The following PRKG1 variants were observed in gnomAD, a reference collection of about 807,000 sequenced individuals.
PRKG1 encodes the protein cGMP-dependent protein kinase 1.
Under a neutral mutation model 88.1 loss-of-function variants are expected in PRKG1, and 35 were observed. The ratio of observed to expected loss-of-function variants is 0.40; its 90% CI spans 0.30 to 0.53. The LOEUF (loss-of-function observed/expected upper bound fraction) is 0.53, where lower values mean the gene tolerates loss of function less well. Ranked by LOEUF, PRKG1 falls within the 20% of genes least tolerant of loss-of-function variation. The pLI is 0.59. For missense variants in PRKG1, 540 were observed against 839.8 expected (o/e 0.64, Z 4.41); for synonymous variants, 303 against 292.5 (o/e 1.04, Z -0.37).
At chr10:52,178,567 A>G (rs1422466196) in intron 9 of PRKG1, among the ~76,000 whole-genome samples, 1 of 150,878 alleles carries the variant, frequency 6.6e-6, no homozygotes, top group Non-Finnish European at 1.5e-5. Context: ...TTTTTTGTCT[A>G]GTTGATCTGT....
At chr10:51,130,874 A>C (rs1299007061) in intron 1 of PRKG1, among the ~76,000 whole-genome samples, 1 of 152,148 alleles carries the variant, frequency 6.6e-6, no homozygotes, top group Non-Finnish European at 1.5e-5. Context: ...GCGCCACTGC[A>C]CTCCAGCCTA....
intron 1 of PRKG1, among the ~76,000 whole-genome samples, chr10:51,136,566 G>C (rs1285693628): frequency 1.5e-5 from 2 of 137,044 alleles, no homozygotes; most frequent in African/African-American, 2.7e-5. Context: ...GAAGAACATA[G>C]AGTTTTTAGT....
At chr10:51,900,788 G>A (rs1215862330) in intron 4 of PRKG1, among the ~76,000 whole-genome samples, 1 of 151,808 alleles carries the variant, frequency 6.6e-6, no homozygotes, top group Non-Finnish European at 1.5e-5. Context: ...TCATTTTCTA[G>A]TAAAAAATGG....
At chr10:51,518,818 T>G (rs541708856) in intron 3 of PRKG1, among the ~76,000 whole-genome samples, 123 of 152,348 alleles carry the variant, frequency 8.1e-4, no homozygotes, top group African/African-American at 2.8e-3. Context: ...TTCCTCATAA[T>G]TTTAAAGGCT....
At chr10:51,149,176 T>C (rs1846005413) in intron 1 of PRKG1, among the ~76,000 whole-genome samples, 1 of 152,158 alleles carries the variant, frequency 6.6e-6, no homozygotes, top group Non-Finnish European at 1.5e-5. Flanking sequence ...TTGGATCTCA[T>C]TGTCATATAA....
chr10:52,188,896 C>T (rs1164861661), intron 9 of PRKG1, among the ~76,000 whole-genome samples: 1 of 152,066 alleles, frequency 6.6e-6, no homozygotes, highest in African/African-American at 2.4e-5. Flanking sequence ...ATTATGAAAA[C>T]ACTTAAAGAA....
At chr10:51,628,005 TCTC>T (rs1839403049) in intron 3 of PRKG1, among the ~76,000 whole-genome samples, 1 of 47,208 alleles carries the variant, frequency 2.1e-5, no homozygotes, top group African/African-American at 6.1e-5. Flanking sequence ...TCTCTCTCTC[TCTC>T]TCTTTCTTTC....
At chr10:51,481,607 A>G (rs1840363331) in intron 3 of PRKG1, among the ~76,000 whole-genome samples, 1 of 152,140 alleles carries the variant, frequency 6.6e-6, no homozygotes. Flanking sequence ...AAAATTCATT[A>G]ATTTTGGATT....
chr10:51,603,834 C>T (rs1216848316), intron 3 of PRKG1, among the ~76,000 whole-genome samples: 4 of 152,082 alleles, frequency 2.6e-5, no homozygotes, highest in Non-Finnish European at 5.9e-5. Flanking sequence ...CAGAGAAGGC[C>T]TCTTGGAGGA....
At chr10:52,073,722 A>G (rs1448982470) in intron 7 of PRKG1, among the ~76,000 whole-genome samples, 1 of 152,180 alleles carries the variant, frequency 6.6e-6, no homozygotes, top group Admixed American at 6.5e-5. Context: ...TGGACCCATT[A>G]TATGGACCTT....
intron 5 of PRKG1, among the ~76,000 whole-genome samples, chr10:51,914,773 G>A (rs987735070): frequency 6.6e-6 from 1 of 152,034 alleles, no homozygotes; most frequent in African/African-American, 2.4e-5. Flanking sequence ...GTTCTGATTT[G>A]TGTCCCTGGA....
At chr10:51,287,704 G>T (rs1398604072) in intron 2 of PRKG1, among the ~76,000 whole-genome samples, 3 of 152,158 alleles carry the variant, frequency 2.0e-5, no homozygotes, top group Non-Finnish European at 4.4e-5. Context: ...GATTTAAATG[G>T]GGAGAAGGGG....
At chr10:51,532,425 A>G (rs1294877559) in intron 3 of PRKG1, among the ~76,000 whole-genome samples, 2 of 152,200 alleles carry the variant, frequency 1.3e-5, no homozygotes, top group African/African-American at 4.8e-5. Context: ...TGAAAGCGTG[A>G]TTCCCTTTCA....
Position 51,933,610 on chromosome 10 carries a change from T to C in PRKG1, c.762+26040T>C, listed in dbSNP as rs1462417769. Among the ~76,000 whole-genome samples the C allele has an allele frequency of 2.0e-5, 3 of 147,132 alleles. No individual in the cohort carries two copies. In the East Asian group the frequency reaches 5.9e-4, roughly 29 times the overall value. On this transcript the variant is annotated intron_variant, in intron 5 of 17. Transcript: ENST00000373980. ...GAATCTCCTAATTCTAGTTCTTAAA[T>C]TTTAGCCAAGTTTTTTTTTTTTAGT... is the stretch of plus-strand genomic sequence containing the variant.
At chr10:52,199,393 T>C (rs1017477886) in intron 9 of PRKG1, among the ~76,000 whole-genome samples, 3 of 152,120 alleles carry the variant, frequency 2.0e-5, no homozygotes, top group Non-Finnish European at 4.4e-5. Context: ...AGATCATACT[T>C]GCTATGTATT....
At chr10:52,008,983 C>T (rs936188085) in intron 5 of PRKG1, among the ~76,000 whole-genome samples, 5 of 152,086 alleles carry the variant, frequency 3.3e-5, no homozygotes, top group South Asian at 2.1e-4. Context: ...ATCATCCCCT[C>T]ATAGTAAAAA....
chr10:51,658,245 G>C (rs1316004548), intron 3 of PRKG1, among the ~76,000 whole-genome samples: 10 of 152,082 alleles, frequency 6.6e-5, no homozygotes, highest in Admixed American at 6.6e-4. Context: ...GACAAGTCTA[G>C]GTCATGCACC....
chr10:51,476,508 G>A (rs1430454186), intron 3 of PRKG1, among the ~76,000 whole-genome samples: 1 of 152,006 alleles, frequency 6.6e-6, no homozygotes, highest in East Asian at 1.9e-4. Context: ...ACTTCCAGAA[G>A]AGCAATACTT....
At chr10:51,123,688 A>G (rs1845323002) in intron 1 of PRKG1, among the ~76,000 whole-genome samples, 2 of 82,502 alleles carry the variant, frequency 2.4e-5, no homozygotes, top group South Asian at 5.8e-4. Flanking sequence ...TCGAGACTCC[A>G]TCTCAAAAAA....
Sources: gnomAD v4.1 joint callset for allele counts (sites outside exome capture counted in the v4.1 genomes callset) on GRCh38, gnomAD v4.1.1 for gene constraint, MANE v1.5 for transcripts, NCBI Gene and HGNC (gene_info 2026-07-23, HGNC 2026-07-21) for gene names.